The following SGCD variants were observed in gnomAD, a reference collection of about 807,000 sequenced individuals.
SGCD encodes the protein sarcoglycan delta.
Under a neutral mutation model 36.6 loss-of-function variants are expected in SGCD, and 18 were observed. That is an observed-to-expected ratio of 0.49 (90% CI 0.34 to 0.73). The LOEUF (loss-of-function observed/expected upper bound fraction) is 0.73, where lower values mean the gene tolerates loss of function less well. Among genes scored for constraint, SGCD ranks in the 30% least tolerant of loss-of-function variants. The pLI is 0.01. For synonymous variants in SGCD, 133 were observed against 130.6 expected (o/e 1.02, Z -0.12); for missense variants, 387 against 346.7 (o/e 1.12, Z -0.92).
In SGCD at chr5:156,672,861, G is replaced by T. The variant is rs116720733; in HGVS notation, c.575+25325G>T. Among the ~76,000 whole-genome samples, 614 of 152,216 alleles carry T rather than the reference G, an allele frequency of 4.0e-3. 8 individuals carry two copies. Among genetic ancestry groups the T allele is most frequent in the African/African-American group, 0.014 (581 of 41,534 alleles). On this transcript the variant is annotated intron_variant, in intron 7 of 8. Coordinates refer to ENST00000337851, the MANE Select transcript of SGCD (RefSeq NM_000337.6). ...CTGTAGAGTGCCTTAGAGCCTTTAT[G>T]TTGCCGTTCTCTTTTCTTGAAGCAC...
At chr5:156,607,751 A>G (rs1052223871) in intron 6 of SGCD, among the ~76,000 whole-genome samples, 1 of 152,112 alleles carries the variant, frequency 6.6e-6, no homozygotes, top group African/African-American at 2.4e-5. Context: ...CAGAGATTCA[A>G]CTTCTTCCTG....
At chr5:156,455,847 A>G (rs765192898) in intron 3 of SGCD, among the ~76,000 whole-genome samples, 23 of 152,194 alleles carry the variant, frequency 1.5e-4, no homozygotes, top group Non-Finnish European at 3.1e-4. Context: ...GTGTCATTAT[A>G]AGAAAAATGC....
chr5:156,070,137 C>G (rs147447320), intron 1 of SGCD, among the ~76,000 whole-genome samples: 1,562 of 143,540 alleles, frequency 0.011, 163 homozygotes, highest in African/African-American at 0.043. Context: ...TCTCCTGCCT[C>G]ATTGCCCTGG....
chr5:156,059,242 T>G lies in SGCD; in HGVS notation c.-281-58636T>G, dbSNP rs952546451. 1.6e-4 allele frequency among the ~76,000 whole-genome samples: 24 copies of G among 145,662 alleles called. 3 individuals are homozygous for G. The highest frequency in any genetic ancestry group is 2.8e-4 in the Non-Finnish European group (18 of 64,704). On this transcript the variant is annotated intron_variant, in intron 1 of 9. Transcript: ENST00000517913. ...CCCTGTCTAGAGGAAAGCAAGTTAA[T>G]TAAATTAACGTAGTTTCCCAGCTGA...
At chr5:156,379,091 A>C (rs550789099) in intron 3 of SGCD, among the ~76,000 whole-genome samples, 2 of 152,314 alleles carry the variant, frequency 1.3e-5, no homozygotes, top group South Asian at 4.1e-4. Flanking sequence ...GAAAGTACCT[A>C]TCAGATGCCA....
intron 4 of SGCD, among the ~76,000 whole-genome samples, chr5:156,581,393 G>GGCA (rs1481226610): frequency 6.6e-6 from 1 of 152,198 alleles, no homozygotes; most frequent in Non-Finnish European, 1.5e-5. Flanking sequence ...CACTAGAGGA[G>GGCA]GCAGTCTGTC....
chr5:156,278,515 C>G (rs189376004), intron 3 of SGCD, among the ~76,000 whole-genome samples: 1 of 151,894 alleles, frequency 6.6e-6, no homozygotes, highest in African/African-American at 2.4e-5. Flanking sequence ...TTGTTTTTCC[C>G]CAGAAAAAAT....
intron 7 of SGCD, 34 bp from the exon 8 acceptor site, chr5:156,757,547 G>A (rs752694085): frequency 5.3e-6 from 7 of 1,323,104 alleles, no homozygotes; most frequent in Non-Finnish European, 7.4e-6. Context: ...AAAAGAAAAA[G>A]GGATCTTTAT....
At chr5:156,482,708 A>G (rs1193862849) in intron 3 of SGCD, among the ~76,000 whole-genome samples, 3 of 152,274 alleles carry the variant, frequency 2.0e-5, no homozygotes, top group African/African-American at 7.2e-5. Context: ...AAAAAGAAAA[A>G]TAACATTTAT....
At chr5:155,891,642 T>C (rs1756134389) in intron 1 of SGCD, among the ~76,000 whole-genome samples, 1 of 138,468 alleles carries the variant, frequency 7.2e-6, no homozygotes, top group African/African-American at 2.7e-5. Flanking sequence ...AATATTACAG[T>C]GTTCCCGACT....
intron 6 of SGCD, among the ~76,000 whole-genome samples, chr5:156,613,598 G>A (rs991151078): frequency 1.3e-5 from 2 of 152,178 alleles, no homozygotes; most frequent in Non-Finnish European, 2.9e-5. Context: ...CTGAGATGAA[G>A]AGCATCAGCT....
chr5:156,550,472 G>A (rs1758747647), intron 4 of SGCD, among the ~76,000 whole-genome samples: 1 of 152,248 alleles, frequency 6.6e-6, no homozygotes, highest in African/African-American at 2.4e-5. Flanking sequence ...ATTGCTGCCT[G>A]TGTGAGCCTG....
At chr5:155,733,340 T>C in the SGCD span, among the ~76,000 whole-genome samples, 3 of 152,338 alleles carry the variant, frequency 2.0e-5, no homozygotes, top group African/African-American at 7.2e-5. Flanking sequence ...AATTGTTTTC[T>C]CAGTGACCTC....
intron 1 of SGCD, among the ~76,000 whole-genome samples, chr5:156,070,483 A>G (rs1396746592): frequency 2.0e-5 from 3 of 149,594 alleles, no homozygotes; most frequent in African/African-American, 7.7e-5. Flanking sequence ...GATGAAGCCC[A>G]CTTGATCATG....
chr5:155,931,106 A>G lies in SGCD; in HGVS notation c.-282+60682A>G, dbSNP rs1169668412. Reference sequence around the variant, plus strand: ...TTGATGGGATATGTTCCTAAACTGAATGATCATATGGTATTTGAACCAAGT... The same window carrying G: ...TTGATGGGATATGTTCCTAAACTGAGTGATCATATGGTATTTGAACCAAGT... On this transcript the variant is annotated intron_variant, in intron 1 of 9. Coordinates refer to the SGCD transcript ENST00000517913. Among the ~76,000 whole-genome samples the G allele has an allele frequency of 2.6e-5, 4 of 152,296 alleles. No homozygotes were observed. The East Asian group carries it at 7.7e-4, about 29-fold the overall frequency.
At chr5:156,672,693 G>A (rs942445816) in intron 7 of SGCD, among the ~76,000 whole-genome samples, 7 of 152,122 alleles carry the variant, frequency 4.6e-5, no homozygotes, top group Non-Finnish European at 1.0e-4. Flanking sequence ...ATGGGTTTGG[G>A]TCATTTTAGG....
chr5:156,573,052 A>AT lies in SGCD; in HGVS notation c.295-16174dup, dbSNP rs149483565. The stretch of plus-strand genomic sequence containing the variant: ...CAATAATGGTCATGTTTTTATGAAT[A>AT]TTTTTGTATTTTATATTAATGATAT... On this transcript the variant is annotated intron_variant, in intron 4 of 8. Coordinates refer to ENST00000337851, the MANE Select transcript of SGCD (RefSeq NM_000337.6). Among the ~76,000 whole-genome samples the AT allele has an allele frequency of 0.014, 2,146 of 152,240 alleles. 100 individuals carry two copies. The East Asian group carries it at 0.17, about 12-fold the overall frequency.
intron 1 of SGCD, among the ~76,000 whole-genome samples, chr5:155,874,820 C>T (rs1010093568): frequency 3.9e-5 from 6 of 152,084 alleles, no homozygotes; most frequent in Admixed American, 3.9e-4. Flanking sequence ...AGTGACAATA[C>T]AAAATGCTAC....
chr5:156,542,125 A>G (rs1484632471), intron 4 of SGCD, among the ~76,000 whole-genome samples: 1 of 152,226 alleles, frequency 6.6e-6, no homozygotes, highest in African/African-American at 2.4e-5. Context: ...AAAACAGTAG[A>G]CAGGCAAAGT....
Sources: allele counts gnomAD v4.1 joint callset (sites outside exome capture counted in the v4.1 genomes callset), GRCh38; gene constraint gnomAD v4.1.1; transcripts MANE v1.5; gene names NCBI Gene and HGNC (gene_info 2026-07-23, HGNC 2026-07-21).